Variants in FOXP2 observed in about 807,000 individuals in gnomAD.
The protein encoded by FOXP2 is forkhead box protein P2.
FOXP2 carries 12 observed loss-of-function variants against 115.8 expected under a neutral mutation model. That is an observed-to-expected ratio of 0.10 (90% CI 0.07 to 0.17). FOXP2 has a LOEUF of 0.17. Among genes scored for constraint, FOXP2 ranks in the 10% least tolerant of loss-of-function variants. The pLI is 1.00. For missense variants in FOXP2, 629 were observed against 843.5 expected (o/e 0.75, Z 3.15); for synonymous variants, 328 against 297.7 (o/e 1.10, Z -1.05).
chr7:114,288,748 G>A (rs1796523607), intron 2 of FOXP2, among the ~76,000 whole-genome samples: 1 of 151,662 alleles, frequency 6.6e-6, no homozygotes, highest in African/African-American at 2.4e-5. Context: ...TGGATTTTCA[G>A]TTTCACTGTT....
chr7:114,256,141 T>TG (rs1795606153), intron 1 of FOXP2, among the ~76,000 whole-genome samples: 1 of 152,160 alleles, frequency 6.6e-6, no homozygotes, highest in South Asian at 2.1e-4. Context: ...TTGCTCTTGT[T>TG]ACCCAGGCTG....
chr7:114,421,380 A>G (rs974568417), intron 1 of FOXP2, among the ~76,000 whole-genome samples: 1 of 151,614 alleles, frequency 6.6e-6, no homozygotes, highest in African/African-American at 2.4e-5. Flanking sequence ...ATTGTTGAAG[A>G]TCTAACAGTA....
intron 3 of FOXP2, among the ~76,000 whole-genome samples, chr7:114,598,462 G>A (rs983951121): frequency 6.6e-6 from 1 of 152,126 alleles, no homozygotes; most frequent in African/African-American, 2.4e-5. Flanking sequence ...GCTCAGCGTA[G>A]AGTGGAGGGA....
At chr7:114,623,315 T>C (rs1804351765) in intron 3 of FOXP2, among the ~76,000 whole-genome samples, 1 of 151,886 alleles carries the variant, frequency 6.6e-6, no homozygotes, top group Non-Finnish European at 1.5e-5. Context: ...GTGATTTCAG[T>C]TCGTCAGGAT....
chr7:114,425,554 T>C (rs1350239647), intron 1 of FOXP2, among the ~76,000 whole-genome samples: 1 of 151,646 alleles, frequency 6.6e-6, no homozygotes, highest in East Asian at 1.9e-4. Flanking sequence ...GAAAGTACAG[T>C]ATATTTATGC....
intron 3 of FOXP2, among the ~76,000 whole-genome samples, chr7:114,535,570 G>A (rs557033204): frequency 6.6e-6 from 1 of 151,552 alleles, no homozygotes; most frequent in South Asian, 2.1e-4. Flanking sequence ...CCAGCTGTCT[G>A]TTTTTATTTT....
Position 114,449,005 on chromosome 7 carries a change from T to A in FOXP2, c.168+22326T>A, listed in dbSNP as rs1794957411. On this transcript the variant is annotated intron_variant, in intron 2 of 16. Coordinates refer to ENST00000350908, the MANE Select transcript of FOXP2 (RefSeq NM_014491.4). ...TTATCTGCAAGCATTTTAATAGTAG[T>A]AGTATGCTTTCTTTTCAACTTTGAT... Among the ~76,000 whole-genome samples, 3 of 152,160 alleles carry A rather than the reference T, an allele frequency of 2.0e-5. No individual in the cohort carries two copies. In the South Asian group the frequency reaches 6.2e-4, roughly 32 times the overall value.
chr7:114,336,362 G>A (rs892198871), intron 2 of FOXP2, among the ~76,000 whole-genome samples: 3 of 150,832 alleles, frequency 2.0e-5, no homozygotes, highest in African/African-American at 7.3e-5. Context: ...AAATCTTAAA[G>A]GTATATACTA....
intron 1 of FOXP2, among the ~76,000 whole-genome samples, chr7:114,152,650 C>T (rs1452966389): frequency 6.6e-6 from 1 of 152,112 alleles, no homozygotes; most frequent in Non-Finnish European, 1.5e-5. Context: ...ACTGTGATTT[C>T]TGTTGTGTAG....
intron 5 of FOXP2, among the ~76,000 whole-genome samples, chr7:114,630,234 T>C (rs1804827661): frequency 6.6e-6 from 1 of 152,176 alleles, no homozygotes; most frequent in South Asian, 2.1e-4. Flanking sequence ...TGTTCACTAA[T>C]GAATCACAGT....
intron 3 of FOXP2, chr7:114,538,193 C>A (rs1391066132): frequency 6.2e-6 from 3 of 487,130 alleles, no homozygotes; most frequent in Non-Finnish European, 1.1e-5. Flanking sequence ...TACACACATG[C>A]ACACTTCCAT....
intron 2 of FOXP2, among the ~76,000 whole-genome samples, chr7:114,339,063 C>T (rs1439083853): frequency 6.6e-6 from 1 of 150,894 alleles, no homozygotes; most frequent in Non-Finnish European, 1.5e-5. Context: ...TGTAGCTTTT[C>T]CAGAAAAAAG....
chr7:114,238,515 G>A (rs1372502728), intron 1 of FOXP2, among the ~76,000 whole-genome samples: 1 of 152,186 alleles, frequency 6.6e-6, no homozygotes, highest in Non-Finnish European at 1.5e-5. Flanking sequence ...GCTCACGCCT[G>A]CAGTCCCAAA....
chr7:114,674,484 A>G (rs1157864686), intron 16 of FOXP2, among the ~76,000 whole-genome samples: 1 of 152,236 alleles, frequency 6.6e-6, no homozygotes, highest in Non-Finnish European at 1.5e-5. Context: ...TAGTCTGAGT[A>G]CTGTCCTACT....
At chr7:114,632,100 A>G (rs537216633) in intron 6 of FOXP2, among the ~76,000 whole-genome samples, 2 of 152,316 alleles carry the variant, frequency 1.3e-5, no homozygotes, top group African/African-American at 4.8e-5. Context: ...AACTGATAAA[A>G]GAAAGATAAA....
intron 2 of FOXP2, among the ~76,000 whole-genome samples, chr7:114,500,175 A>C (rs1482925200): frequency 6.0e-5 from 9 of 150,586 alleles, no homozygotes; most frequent in Non-Finnish European, 1.2e-4. Context: ...GAGATCACGC[A>C]ACTGCCCTCC....
chr7:114,267,112 G>A (rs554558251), intron 1 of FOXP2, among the ~76,000 whole-genome samples: 34 of 152,092 alleles, frequency 2.2e-4, no homozygotes, highest in Non-Finnish European at 2.9e-4. Flanking sequence ...TTCTGCATGC[G>A]CCAAATCCTA....
At chr7:114,492,519 T>G (rs545758043) in intron 2 of FOXP2, among the ~76,000 whole-genome samples, 152 of 152,172 alleles carry the variant, frequency 1.0e-3, no homozygotes, top group African/African-American at 3.4e-3. Flanking sequence ...GTCAATTTTA[T>G]ATCTTTCCTG....
chr7:114,391,339 A>T (rs962828043), intron 2 of FOXP2, among the ~76,000 whole-genome samples: 1 of 152,182 alleles, frequency 6.6e-6, no homozygotes, highest in Non-Finnish European at 1.5e-5. Context: ...TGGGTTAAAC[A>T]TCTGCTTAGA....
Sources: gnomAD v4.1 joint callset for allele counts (sites outside exome capture counted in the v4.1 genomes callset) on GRCh38, gnomAD v4.1.1 for gene constraint, MANE v1.5 for transcripts, NCBI Gene and HGNC (gene_info 2026-07-23, HGNC 2026-07-21) for gene names.